DPP6: variants seen among roughly 807,000 people sequenced by gnomAD.
The protein encoded by DPP6 is A-type potassium channel modulatory protein DPP6.
In DPP6, 69 loss-of-function variants were observed where a neutral mutation model predicts 122.6. That is an observed-to-expected ratio of 0.56 (90% CI 0.46 to 0.69). The LOEUF is 0.69. DPP6 is among the 30% of genes least tolerant of loss of function. DPP6 has a pLI of 0.00. For missense variants in DPP6, 928 were observed against 1,116.9 expected, an observed-to-expected ratio of 0.83 and a Z score of 2.41; for synonymous variants, 418 against 433.1, an observed-to-expected ratio of 0.97 and a Z score of 0.43.
At chr7:154,294,179 G>A (rs780156789) in intron 1 of DPP6, among the ~76,000 whole-genome samples, 9 of 152,160 alleles carry the variant, frequency 5.9e-5, no homozygotes, top group African/African-American at 9.7e-5. Flanking sequence ...AGGCAGGGCC[G>A]GGCAGAGAAG....
intron 1 of DPP6, among the ~76,000 whole-genome samples, chr7:154,171,731 C>G (rs1797541934): frequency 6.6e-6 from 1 of 152,170 alleles, no homozygotes; most frequent in African/African-American, 2.4e-5. Flanking sequence ...CATTCTCCAG[C>G]AACACTGTTG....
At chr7:153,910,316 G>T (rs1800029502) in intron 1 of DPP6, among the ~76,000 whole-genome samples, 1 of 150,008 alleles carries the variant, frequency 6.7e-6, no homozygotes, top group Non-Finnish European at 1.5e-5. Context: ...TGCAACCTCT[G>T]CCTCCTGCGT....
At chr7:154,232,767 A>G (rs539505576) in intron 1 of DPP6, among the ~76,000 whole-genome samples, 2 of 152,298 alleles carry the variant, frequency 1.3e-5, no homozygotes, top group African/African-American at 2.4e-5. Flanking sequence ...TCCTCTAGCT[A>G]TATTTGTGTT....
intron 1 of DPP6, chr7:154,058,612 C>G (rs561995417): frequency 6.6e-6 from 1 of 150,888 alleles, no homozygotes; most frequent in Non-Finnish European, 1.5e-5. Flanking sequence ...CCCTCTTCCC[C>G]CCCCAGCTTA....
At chr7:154,413,266 C>T (rs575598350) in intron 1 of DPP6, among the ~76,000 whole-genome samples, 1 of 152,382 alleles carries the variant, frequency 6.6e-6, no homozygotes, top group South Asian at 2.1e-4. Context: ...TCCAGGGACT[C>T]ATTTCCCTCA....
At chr7:154,205,884 C>T (rs1323076697) in intron 1 of DPP6, among the ~76,000 whole-genome samples, 5 of 152,142 alleles carry the variant, frequency 3.3e-5, no homozygotes, top group Non-Finnish European at 7.4e-5. Flanking sequence ...CTGGAGCAGC[C>T]GTGGCCTCTC....
At chr7:154,845,729 T>G (rs541875788) in intron 16 of DPP6, among the ~76,000 whole-genome samples, 2 of 152,326 alleles carry the variant, frequency 1.3e-5, no homozygotes, top group Admixed American at 6.5e-5. Context: ...CCCATTAGAG[T>G]GGTTTTAAAA....
chr7:153,817,076 C>G, the DPP6 span, among the ~76,000 whole-genome samples: 1 of 149,926 alleles, frequency 6.7e-6, no homozygotes, highest in African/African-American at 2.5e-5. Flanking sequence ...GCGTGGAAAA[C>G]CAATCCCTGA....
At position 154,168,996 on chromosome 7, in the gene DPP6, G is replaced by T. The variant is rs73729293; in HGVS notation, c.243+115933G>T. ...CTTAGACAAAAAAACAAAAAACAAA[G>T]CAAAGCTGTGGAGTGGCAAGAGCAA... is the stretch of plus-strand genomic sequence containing the variant. On this transcript the variant is annotated intron_variant, in intron 1 of 25. Transcript: ENST00000377770. 8.8e-3 allele frequency among the ~76,000 whole-genome samples: 1,336 copies of T among 152,268 alleles called. 25 individuals carry two copies. The highest frequency in any genetic ancestry group is 0.031 in the African/African-American group (1,268 of 41,562).
chr7:154,277,910 T>C (rs1367743438), intron 1 of DPP6, among the ~76,000 whole-genome samples: 1 of 152,204 alleles, frequency 6.6e-6, no homozygotes, highest in Non-Finnish European at 1.5e-5. Flanking sequence ...CATACTGTGC[T>C]GAAACTCTCC....
At chr7:154,350,544 A>G (rs1284718152) in intron 1 of DPP6, among the ~76,000 whole-genome samples, 2 of 152,200 alleles carry the variant, frequency 1.3e-5, no homozygotes, top group African/African-American at 4.8e-5. Flanking sequence ...ACTGTGGTCT[A>G]GATCAGCGGT....
At chr7:154,469,101 A>G (rs949505472) in intron 2 of DPP6, among the ~76,000 whole-genome samples, 1 of 152,236 alleles carries the variant, frequency 6.6e-6, no homozygotes, top group African/African-American at 2.4e-5. Context: ...AAAGGAAAAT[A>G]TCAAGCTAGT....
At chr7:153,766,129 G>A in the DPP6 span, among the ~76,000 whole-genome samples, 1 of 152,280 alleles carries the variant, frequency 6.6e-6, no homozygotes, top group East Asian at 1.9e-4. Context: ...CAAATCAGTC[G>A]AAGCCTTTCA....
Position 154,145,239 on chromosome 7 carries a change from G to A in DPP6, c.243+92176G>A, listed in dbSNP as rs545779053. On this transcript the variant is annotated intron_variant, in intron 1 of 25. Transcript: ENST00000377770. ...CCCTACAGCTAGTCACAGAGGAGGC[G>A]ACTAGAGAGACTTTGGATGGCCTCT... Among the ~76,000 whole-genome samples, 8 of 152,266 alleles carry A rather than the reference G, an allele frequency of 5.3e-5. No individual in the cohort carries two copies. In the South Asian group the frequency reaches 1.0e-3, roughly 20 times the overall value.
chr7:154,352,888 G>A (rs1424560795), intron 1 of DPP6, among the ~76,000 whole-genome samples: 2 of 152,164 alleles, frequency 1.3e-5, no homozygotes, highest in Admixed American at 6.5e-5. Context: ...TATTTAATAA[G>A]GCATGCTTTA....
intron 1 of DPP6, among the ~76,000 whole-genome samples, chr7:154,244,364 G>A (rs757113821): frequency 2.5e-4 from 38 of 152,122 alleles, no homozygotes; most frequent in Non-Finnish European, 4.0e-4. Context: ...TTAAGAGTCA[G>A]CAGACCTATA....
the DPP6 span, among the ~76,000 whole-genome samples, chr7:153,867,154 A>G: frequency 6.6e-6 from 1 of 152,154 alleles, no homozygotes; most frequent in Non-Finnish European, 1.5e-5. Context: ...GTTCCATATG[A>G]ACATTAAGGT....
intron 2 of DPP6, among the ~76,000 whole-genome samples, chr7:154,473,749 A>G (rs1029794993): frequency 5.3e-5 from 8 of 152,238 alleles, no homozygotes; most frequent in Non-Finnish European, 1.2e-4. Flanking sequence ...GTCAAGAACA[A>G]CAGTCCAAAA....
At chr7:154,795,015 G>A (rs1797953995) in intron 11 of DPP6, among the ~76,000 whole-genome samples, 2 of 152,130 alleles carry the variant, frequency 1.3e-5, no homozygotes, top group Non-Finnish European at 2.9e-5. Flanking sequence ...CACAGTGATT[G>A]TTTCTAAGGT....
Sources: gnomAD v4.1 joint callset for allele counts (sites outside exome capture counted in the v4.1 genomes callset) on GRCh38, gnomAD v4.1.1 for gene constraint, MANE v1.5 for transcripts, NCBI Gene and HGNC (gene_info 2026-07-23, HGNC 2026-07-21) for gene names.